Variants in FAT4 observed in about 807,000 individuals in gnomAD.
FAT4 encodes FAT atypical cadherin 4.
A neutral mutation model predicts 303.9 loss-of-function variants in FAT4; 84 were observed. The ratio of observed to expected loss-of-function variants is 0.28; its 90% CI spans 0.23 to 0.33. The LOEUF is 0.33. FAT4 is among the 10% of genes least tolerant of loss of function. The probability of loss-of-function intolerance (pLI) is 1.00; values close to 1 mark genes in which losing one functional copy is unlikely to be tolerated. For synonymous variants in FAT4, 2,307 were observed against 2,298.8 expected (o/e 1.00, Z -0.10); for missense variants, 6,005 against 6,146.8 (o/e 0.98, Z 0.77).
intron 2 of FAT4, among the ~76,000 whole-genome samples, chr4:125,385,225 G>T (rs1733699381): frequency 1.3e-5 from 2 of 151,720 alleles, no homozygotes; most frequent in South Asian, 4.2e-4. Context: ...GTTTCACCAT[G>T]TTGGTCAGGC....
chr4:125,449,843 A>G lies in FAT4; in HGVS notation c.8833A>G (p.Asn2945Asp). The G allele has an allele frequency of 6.2e-7, 1 of 1,613,962 alleles. No homozygotes were observed. ...ATACCAAAATGTCACTGGCTTCAGT[A>G]ATGTGAATATCAACAGGCATAGTTT... ...LKYQNVTGFS[N>D]VNINRHSFIV... is the part of the protein sequence containing the mutation. Residue 2945 changes from asparagine (N) to aspartate (D), a missense_variant, in exon 10 of 18, where the codon AAT becomes GAT. Physicochemically the swap from Asn to Asp is conservative, Grantham distance 23. Transcript: ENST00000394329.
chr4:125,440,030 A>G (rs1347736044), intron 8 of FAT4, among the ~76,000 whole-genome samples: 1 of 152,222 alleles, frequency 6.6e-6, no homozygotes, highest in Non-Finnish European at 1.5e-5. Flanking sequence ...CATAATTATT[A>G]GGACATAGAA....
intron 12 of FAT4, among the ~76,000 whole-genome samples, chr4:125,475,507 T>C (rs181341319): frequency 3.3e-5 from 5 of 152,254 alleles, no homozygotes; most frequent in Non-Finnish European, 5.9e-5. Flanking sequence ...TTAGTCATTA[T>C]TTAAATACTA....
intron 2 of FAT4, among the ~76,000 whole-genome samples, chr4:125,338,522 G>A (rs1417212341): frequency 6.6e-6 from 1 of 152,076 alleles, no homozygotes; most frequent in Non-Finnish European, 1.5e-5. Flanking sequence ...AATATGCATG[G>A]TTCAAAGGTA....
At chr4:125,465,612 T>C (rs1265021781) in intron 11 of FAT4, among the ~76,000 whole-genome samples, 1 of 152,180 alleles carries the variant, frequency 6.6e-6, no homozygotes, top group Admixed American at 6.5e-5. Context: ...AGTGTAGTGG[T>C]ACAACTGTCG....
rs1005349968 is a variant in FAT4, at chr4:125,315,452, C to A, written c.-538C>A. ...GACTGGGGCCGCCGGAGAACGACCC[C>A]CCCTGGCATGGTGAGGGGAGGGCGA... On this transcript the variant is annotated 5_prime_UTR_variant, in exon 1 of 18. Transcript: ENST00000394329. Among the ~76,000 whole-genome samples the A allele has an allele frequency of 3.3e-5, 5 of 152,196 alleles. No individual in the cohort carries two copies. The highest frequency in any genetic ancestry group is 9.6e-5 in the African/African-American group (4 of 41,456).
chr4:125,436,979 T>C (rs1453492460), intron 8 of FAT4, among the ~76,000 whole-genome samples: 1 of 152,030 alleles, frequency 6.6e-6, no homozygotes, highest in Non-Finnish European at 1.5e-5. Context: ...CTCAGCCTCC[T>C]GGGTAGCTGG....
chr4:125,442,353 C>T (rs1157381471), intron 8 of FAT4, among the ~76,000 whole-genome samples: 1 of 151,918 alleles, frequency 6.6e-6, no homozygotes, highest in Admixed American at 6.6e-5. Context: ...AGGACATAAA[C>T]TTGAAACCAG....
chr4:125,482,170 A>T (rs1560634477), intron 16 of FAT4, among the ~76,000 whole-genome samples: 1 of 152,206 alleles, frequency 6.6e-6, no homozygotes, highest in African/African-American at 2.4e-5. Flanking sequence ...AATAAGGAAA[A>T]ACATTTTGAA....
intron 10 of FAT4, among the ~76,000 whole-genome samples, chr4:125,456,858 A>C (rs1366815851): frequency 6.6e-6 from 1 of 152,188 alleles, no homozygotes; most frequent in African/African-American, 2.4e-5. Context: ...AAAATTACTC[A>C]TAATAGCTAG....
At chr4:125,444,839 G>A (rs749619072) in intron 8 of FAT4, among the ~76,000 whole-genome samples, 6 of 151,968 alleles carry the variant, frequency 3.9e-5, no homozygotes, top group Non-Finnish European at 8.8e-5. Context: ...CAGCAACAAG[G>A]TTCCAAAAAT....
intron 2 of FAT4, among the ~76,000 whole-genome samples, chr4:125,326,235 A>C (rs539714026): frequency 6.6e-6 from 1 of 152,158 alleles, no homozygotes; most frequent in Non-Finnish European, 1.5e-5. Flanking sequence ...TGATGGAGAC[A>C]TTTGTGAGGT....
intron 11 of FAT4, among the ~76,000 whole-genome samples, chr4:125,465,205 T>A (rs1240311245): frequency 6.6e-6 from 1 of 152,178 alleles, no homozygotes; most frequent in African/African-American, 2.4e-5. Context: ...TTTTTTATTT[T>A]CAGTCCAGTA....
chr4:125,378,399 G>T (rs1338944208), intron 2 of FAT4, among the ~76,000 whole-genome samples: 1 of 151,890 alleles, frequency 6.6e-6, no homozygotes, highest in African/African-American at 2.4e-5. Context: ...AATTATGGAG[G>T]CATAGTTATT....
intron 7 of FAT4, among the ~76,000 whole-genome samples, chr4:125,421,110 G>A (rs1724861748): frequency 6.6e-6 from 1 of 152,088 alleles, no homozygotes; most frequent in South Asian, 2.1e-4. Flanking sequence ...TTTTAGTAGA[G>A]ACAGGGTTTC....
chr4:125,489,647 T>C (rs892546436), intron 17 of FAT4, among the ~76,000 whole-genome samples: 2 of 152,204 alleles, frequency 1.3e-5, no homozygotes, highest in African/African-American at 2.4e-5. Context: ...TCATAAATCT[T>C]CAGAATGAGT....
chr4:125,315,263 A>C lies in FAT4; in HGVS notation c.-727A>C, dbSNP rs1241334653. On this transcript the variant is annotated 5_prime_UTR_variant, in exon 1 of 18. Coordinates refer to ENST00000394329, the MANE Select transcript of FAT4 (RefSeq NM_001291303.3). Reference sequence around the variant, plus strand: ...GCTGCGGAGGGCGTCACTACAGCCCAGCGCCGACTTCGCCGCCTCCGCTGC... The same window carrying C: ...GCTGCGGAGGGCGTCACTACAGCCCCGCGCCGACTTCGCCGCCTCCGCTGC... Among the ~76,000 whole-genome samples, 2 of 152,118 alleles carry C rather than the reference A, an allele frequency of 1.3e-5. No homozygotes were observed. Among genetic ancestry groups the C allele is most frequent in the African/African-American group, 4.8e-5 (2 of 41,438 alleles).
rs1186386375 is a variant in FAT4, at chr4:125,316,405, C to G, written c.-7C>G. ...TCTTTATCACATCGTTTTAGGGAGC[C>G]AGGACCATGGACTTAGCACCAGACA... On this transcript the variant is annotated 5_prime_UTR_variant, in exon 2 of 18. Transcript: ENST00000394329. The surrounding 1 kb of genome is among the most constrained non-coding windows in gnomAD (Gnocchi z 5.7). 6.3e-7 allele frequency: 1 copy of G among 1,599,974 alleles called. No individual in the cohort carries two copies. The highest frequency in any genetic ancestry group is 1.3e-5 in the African/African-American group (1 of 74,670).
chr4:125,461,032 G>A (rs1360223622), intron 10 of FAT4, among the ~76,000 whole-genome samples: 2 of 151,936 alleles, frequency 1.3e-5, no homozygotes, highest in Non-Finnish European at 2.9e-5. Flanking sequence ...TAGGAAATTC[G>A]TTCTCAAAAT....
Sources: gnomAD v4.1 joint callset for allele counts (sites outside exome capture counted in the v4.1 genomes callset) on GRCh38, gnomAD v4.1.1 for gene constraint, Gnocchi (gnomAD v3.1) non-coding constraint, MANE v1.5 for transcripts, NCBI Gene and HGNC (gene_info 2026-07-23, HGNC 2026-07-21) for gene names.